The following KCTD8 variants were observed in gnomAD, a reference collection of about 807,000 sequenced individuals.
KCTD8 encodes the protein potassium channel tetramerization domain containing 8, also known as BTB/POZ domain-containing protein KCTD8.
Under a neutral mutation model 31.5 loss-of-function variants are expected in KCTD8, and 27 were observed. That is an observed-to-expected ratio of 0.86 (90% CI 0.63 to 1.18). The LOEUF is 1.18. KCTD8 is among the 50% of genes most tolerant of loss of function. KCTD8 has a pLI of 0.00. For synonymous variants in KCTD8, 290 were observed against 280.0 expected, an observed-to-expected ratio of 1.04 and a Z score of -0.36; for missense variants, 658 against 647.7, an observed-to-expected ratio of 1.02 and a Z score of -0.17.
chr4:44,223,226 G>T (rs1009596254), intron 1 of KCTD8, among the ~76,000 whole-genome samples: 7 of 152,122 alleles, frequency 4.6e-5, no homozygotes, highest in Non-Finnish European at 8.8e-5. Context: ...GGACAAGAGC[G>T]GCTCAGGATT....
chr4:44,179,862 A>G (rs141177210), intron 1 of KCTD8, among the ~76,000 whole-genome samples: 1 of 152,166 alleles, frequency 6.6e-6, no homozygotes, highest in South Asian at 2.1e-4. Context: ...GCTTTTTATG[A>G]CATGAAATTG....
chr4:44,223,409 C>A (rs1312677863), intron 1 of KCTD8, among the ~76,000 whole-genome samples: 1 of 152,238 alleles, frequency 6.6e-6, no homozygotes, highest in East Asian at 1.9e-4. Context: ...ATCAGAGTCA[C>A]AAACATTTCT....
chr4:44,254,620 C>T (rs1715942251), intron 1 of KCTD8, among the ~76,000 whole-genome samples: 1 of 151,424 alleles, frequency 6.6e-6, no homozygotes, highest in South Asian at 2.1e-4. Context: ...GCCTTTTTAG[C>T]CTCACAAGAT....
At chr4:44,421,528 T>C (rs886357548) in intron 1 of KCTD8, among the ~76,000 whole-genome samples, 1 of 152,136 alleles carries the variant, frequency 6.6e-6, no homozygotes, top group Non-Finnish European at 1.5e-5. Context: ...AGGCAAGAGA[T>C]ACAATATTTC....
chr4:44,216,481 G>A (rs1460600499), intron 1 of KCTD8, among the ~76,000 whole-genome samples: 2 of 152,060 alleles, frequency 1.3e-5, no homozygotes, highest in Non-Finnish European at 2.9e-5. Context: ...AAGATAGAAG[G>A]CACTGTTATC....
chr4:44,374,742 AT>A (rs1426532918), intron 1 of KCTD8, among the ~76,000 whole-genome samples: 75 of 152,312 alleles, frequency 4.9e-4, no homozygotes, highest in African/African-American at 1.3e-3. Context: ...CAGAACACAT[AT>A]AACATTAATC....
intron 1 of KCTD8, among the ~76,000 whole-genome samples, chr4:44,242,992 G>A (rs1715549580): frequency 6.6e-6 from 1 of 152,108 alleles, no homozygotes; most frequent in Admixed American, 6.5e-5. Flanking sequence ...TCCTTACAAA[G>A]CACCCAGCCT....
intron 1 of KCTD8, among the ~76,000 whole-genome samples, chr4:44,438,145 G>A (rs1192593898): frequency 2.0e-5 from 3 of 152,166 alleles, no homozygotes; most frequent in African/African-American, 7.2e-5. Context: ...ATGTCTGCCA[G>A]CATCTGCCTC....
At chr4:44,288,288 T>C (rs903693227) in intron 1 of KCTD8, among the ~76,000 whole-genome samples, 6 of 152,168 alleles carry the variant, frequency 3.9e-5, no homozygotes, top group African/African-American at 1.4e-4. Context: ...ATTTCTTCTA[T>C]AATGAATAGA....
chr4:44,361,503 A>G (rs1719496178), intron 1 of KCTD8, among the ~76,000 whole-genome samples: 1 of 152,086 alleles, frequency 6.6e-6, no homozygotes, highest in African/African-American at 2.4e-5. Flanking sequence ...CCTGAACAGG[A>G]CTAGATTTGT....
intron 1 of KCTD8, among the ~76,000 whole-genome samples, chr4:44,259,239 G>C (rs1403980519): frequency 6.6e-6 from 1 of 151,014 alleles, no homozygotes; most frequent in Non-Finnish European, 1.5e-5. Context: ...GGCAATACAT[G>C]ATCTTCCACA....
rs149091250 is a variant in KCTD8 at position 44,448,320 on chromosome 4, A to G, written c.204T>C (p.Ser68=). The change falls in exon 1 of 2, where the codon AGT becomes AGC. Residue 68 remains serine, a synonymous_variant. Transcript: ENST00000360029. The surrounding 1 kb of genome is among the most constrained non-coding windows in gnomAD (Gnocchi z 4.1). ...KHSTLLSVPD[S]TLASMFSPSS... is the part of the protein sequence containing the mutation. ...AGGGCGAGAACATGCTGGCCAAAGTACTGTCCGGGACGCTGAGCAGCGTCG... is the reference window on the plus strand; with the variant it reads ...AGGGCGAGAACATGCTGGCCAAAGTGCTGTCCGGGACGCTGAGCAGCGTCG... The G allele has an allele frequency of 2.1e-3, 3,434 of 1,597,588 alleles. 75 individuals carry two copies. In the African/African-American group the frequency reaches 0.042, roughly 19 times the overall value.
chr4:44,413,082 A>C (rs1377981286), intron 1 of KCTD8, among the ~76,000 whole-genome samples: 1 of 152,144 alleles, frequency 6.6e-6, no homozygotes, highest in Non-Finnish European at 1.5e-5. Flanking sequence ...TTCTGCCTTT[A>C]TGTTTTGCTG....
intron 1 of KCTD8, among the ~76,000 whole-genome samples, chr4:44,338,495 C>G (rs532725187): frequency 6.6e-6 from 1 of 152,104 alleles, no homozygotes; most frequent in South Asian, 2.1e-4. Context: ...TTTGTCTCTA[C>G]GAAAACTGCA....
chr4:44,378,484 A>C (rs965972537), intron 1 of KCTD8, among the ~76,000 whole-genome samples: 18 of 151,878 alleles, frequency 1.2e-4, no homozygotes, highest in African/African-American at 4.3e-4. Flanking sequence ...AAATAAAATA[A>C]AGTTAATCCT....
At chr4:44,219,010 C>T (rs1164087883) in intron 1 of KCTD8, among the ~76,000 whole-genome samples, 2 of 152,168 alleles carry the variant, frequency 1.3e-5, no homozygotes, top group African/African-American at 2.4e-5. Context: ...CCTTTCCTGA[C>T]TTATCCTCCA....
At chr4:44,221,545 C>A (rs1025664121) in intron 1 of KCTD8, among the ~76,000 whole-genome samples, 1 of 152,050 alleles carries the variant, frequency 6.6e-6, no homozygotes. Context: ...GGAAGCCAGT[C>A]CAAGTCCAAA....
chr4:44,428,505 A>C (rs1212059477), intron 1 of KCTD8, among the ~76,000 whole-genome samples: 1 of 151,712 alleles, frequency 6.6e-6, no homozygotes, highest in Non-Finnish European at 1.5e-5. Flanking sequence ...GAAATTAATC[A>C]AAGTACTGAT....
intron 1 of KCTD8, among the ~76,000 whole-genome samples, chr4:44,314,760 A>G (rs1183107324): frequency 6.6e-6 from 1 of 151,950 alleles, no homozygotes; most frequent in African/African-American, 2.4e-5. Flanking sequence ...ATCAGTACAT[A>G]GAGATTTATA....
Sources: allele counts gnomAD v4.1 joint callset (sites outside exome capture counted in the v4.1 genomes callset), GRCh38; gene constraint gnomAD v4.1.1; non-coding constraint Gnocchi (gnomAD v3.1); transcripts MANE v1.5; gene names NCBI Gene and HGNC (gene_info 2026-07-23, HGNC 2026-07-21).